The following DSCAML1 variants were observed in gnomAD, a reference collection of about 807,000 sequenced individuals.
DSCAML1 encodes DS cell adhesion molecule like 1, also known as cell adhesion molecule DSCAML1.
In DSCAML1, 38 loss-of-function variants were observed where a neutral mutation model predicts 200.5. The observed-to-expected ratio is 0.19, with a 90% CI of 0.15 to 0.25. The LOEUF (loss-of-function observed/expected upper bound fraction) is 0.25. Among genes scored for constraint, DSCAML1 ranks in the 10% least tolerant of loss-of-function variants. The pLI is 1.00. For synonymous variants in DSCAML1, 1,215 were observed against 1,165.0 expected (o/e 1.04, Z -0.87); for missense variants, 2,223 against 2,858.8 (o/e 0.78, Z 5.07).
chr11:117,520,659 G>A (rs11216436), intron 6 of DSCAML1, among the ~76,000 whole-genome samples: 24,968 of 151,426 alleles, frequency 0.16, 2,292 homozygotes, highest in South Asian at 0.32. Flanking sequence ...CAGCCCAGGC[G>A]GGAGGATCGC....
chr11:117,512,245 G>A (rs2049636665), intron 8 of DSCAML1, among the ~76,000 whole-genome samples: 1 of 152,210 alleles, frequency 6.6e-6, no homozygotes, highest in Non-Finnish European at 1.5e-5. Flanking sequence ...TAGTCGGGCA[G>A]CAGCAGTGGG....
intron 15 of DSCAML1, among the ~76,000 whole-genome samples, chr11:117,470,243 GT>G (rs1352578482): frequency 3.9e-5 from 6 of 152,210 alleles, no homozygotes; most frequent in African/African-American, 1.4e-4. Flanking sequence ...GATGGCAAAA[GT>G]TTTTAAAAGT....
intron 3 of DSCAML1, among the ~76,000 whole-genome samples, chr11:117,603,950 G>T (rs944903124): frequency 6.6e-6 from 1 of 152,218 alleles, no homozygotes; most frequent in East Asian, 1.9e-4. Flanking sequence ...CCTCAAGGAA[G>T]GCATTATTGG....
At chr11:117,667,256 A>G (rs2052998310) in intron 3 of DSCAML1, among the ~76,000 whole-genome samples, 1 of 152,174 alleles carries the variant, frequency 6.6e-6, no homozygotes, top group African/African-American at 2.4e-5. Context: ...TACTAAAAAT[A>G]CAAAAATCAG....
At position 117,737,365 on chromosome 11, in the gene DSCAML1, T is replaced by A. The variant is rs117373077; in HGVS notation, c.511+39426A>T. On this transcript the variant is annotated intron_variant, in intron 3 of 32. Transcript: ENST00000651296. ...GGTCCATCTGATGTTCCCAGTGGACTTCAGGCAGGCAGTCGCTAGATCAGC... is the reference window on the plus strand; with the variant it reads ...GGTCCATCTGATGTTCCCAGTGGACATCAGGCAGGCAGTCGCTAGATCAGC... Among the ~76,000 whole-genome samples, 16 of 152,340 alleles carry A rather than the reference T, an allele frequency of 1.1e-4. No homozygotes were observed. In the East Asian group the frequency reaches 3.1e-3, roughly 29 times the overall value.
Position 117,480,624 on chromosome 11 carries a change from G to T in DSCAML1, c.2657-53C>A. 2 of 1,545,098 alleles carry T rather than the reference G, an allele frequency of 1.3e-6. No individual in the cohort carries two copies. The highest frequency in any genetic ancestry group is 1.7e-6 in the Non-Finnish European group (2 of 1,144,184). ...AGTGAGGAGGGCAGCAGGGAGCTTG[G>T]CCTCCTGCTTGGCCCTGAGGATTGG... On this transcript the variant is annotated intron_variant, in intron 13 of 32. Transcript: ENST00000651296. The surrounding 1 kb of genome is among the most constrained non-coding windows in gnomAD (Gnocchi z 4.1).
chr11:117,551,485 C>T (rs1370527882), intron 3 of DSCAML1, among the ~76,000 whole-genome samples: 1 of 152,192 alleles, frequency 6.6e-6, no homozygotes, highest in Non-Finnish European at 1.5e-5. Context: ...CCCTCTCCCC[C>T]ACCGTGCCTG....
At chr11:117,782,025 G>A (rs555855624) in intron 1 of DSCAML1, among the ~76,000 whole-genome samples, 4 of 152,186 alleles carry the variant, frequency 2.6e-5, no homozygotes, top group South Asian at 2.1e-4. Flanking sequence ...AGGAAGAGAC[G>A]GCAGGGTCCC....
chr11:117,586,582 G>T (rs755746075), intron 3 of DSCAML1, among the ~76,000 whole-genome samples: 5 of 152,272 alleles, frequency 3.3e-5, no homozygotes, highest in Non-Finnish European at 7.4e-5. Context: ...GTTCGACTCG[G>T]CTGGCAGGAT....
At chr11:117,456,676 T>TTC (rs2048376185) in intron 19 of DSCAML1, among the ~76,000 whole-genome samples, 1 of 150,036 alleles carries the variant, frequency 6.7e-6, no homozygotes, top group Non-Finnish European at 1.5e-5. Context: ...CATTTCTTTT[T>TTC]TTTTTTTTTT....
At chr11:117,753,356 C>A (rs181922479) in intron 3 of DSCAML1, among the ~76,000 whole-genome samples, 1 of 152,312 alleles carries the variant, frequency 6.6e-6, no homozygotes, top group East Asian at 1.9e-4. Context: ...CTTCTCCTCC[C>A]TTTGCCCTTT....
chr11:117,671,894 C>A (rs1840536206), intron 3 of DSCAML1, among the ~76,000 whole-genome samples: 1 of 151,736 alleles, frequency 6.6e-6, no homozygotes, highest in Non-Finnish European at 1.5e-5. Context: ...GGCGGATTAC[C>A]TGAGGTCAGG....
chr11:117,753,970 G>C (rs2054643654), intron 3 of DSCAML1, among the ~76,000 whole-genome samples: 1 of 152,184 alleles, frequency 6.6e-6, no homozygotes, highest in African/African-American at 2.4e-5. Context: ...GCAAAGGAGA[G>C]TCTTGGGCCT....
chr11:117,466,684 G>T (rs2048587304), intron 16 of DSCAML1, among the ~76,000 whole-genome samples: 1 of 152,092 alleles, frequency 6.6e-6, no homozygotes, highest in Admixed American at 6.6e-5. Context: ...CTCAACAAAA[G>T]GAGGGTGGAA....
At chr11:117,684,496 G>A (rs566351500) in intron 3 of DSCAML1, among the ~76,000 whole-genome samples, 1 of 148,064 alleles carries the variant, frequency 6.8e-6, no homozygotes, top group Non-Finnish European at 1.5e-5. Flanking sequence ...GGGTGAAGAC[G>A]CTAGGATATC....
At chr11:117,549,905 T>G (rs2050439658) in intron 3 of DSCAML1, among the ~76,000 whole-genome samples, 1 of 152,186 alleles carries the variant, frequency 6.6e-6, no homozygotes, top group African/African-American at 2.4e-5. Flanking sequence ...GTAGAAATGT[T>G]CCAAGTCCCA....
intron 1 of DSCAML1, among the ~76,000 whole-genome samples, chr11:117,790,893 A>G (rs1275119321): frequency 6.6e-6 from 1 of 152,246 alleles, no homozygotes; most frequent in Non-Finnish European, 1.5e-5. Flanking sequence ...ACGTGCAAAC[A>G]CACATGCATC....
At chr11:117,648,929 C>G (rs1276512107) in intron 3 of DSCAML1, among the ~76,000 whole-genome samples, 10 of 152,094 alleles carry the variant, frequency 6.6e-5, no homozygotes, top group Admixed American at 4.6e-4. Context: ...CAGCTCAGGC[C>G]TAATGTAGAA....
Position 117,518,347 on chromosome 11 carries a change from T to G in DSCAML1, c.1510+119A>C, listed in dbSNP as rs1224248094. 5 of 1,386,050 alleles carry G rather than the reference T, an allele frequency of 3.6e-6. No individual in the cohort carries two copies. The highest frequency in any genetic ancestry group is 2.3e-5 in the East Asian group (1 of 43,852). The allele number at this position is 1,386,050 out of a possible 1,614,324, so 85.9% of individuals were successfully genotyped here. A position where few individuals can be genotyped will look rare whatever the true frequency, so the allele number is the denominator to read the frequency against. Reference sequence around the variant, plus strand: ...GGGGACGAGAGAGGGGAGAGAGACCTCTACTAAAATCAAAATGACGATTAA... The same window carrying G: ...GGGGACGAGAGAGGGGAGAGAGACCGCTACTAAAATCAAAATGACGATTAA... On this transcript the variant is annotated intron_variant, in intron 7 of 32. Transcript: ENST00000651296. The surrounding 1 kb of genome is among the most constrained non-coding windows in gnomAD (Gnocchi z 6.3).
Sources: gnomAD v4.1 joint callset for allele counts (sites outside exome capture counted in the v4.1 genomes callset) on GRCh38, gnomAD v4.1.1 for gene constraint, Gnocchi (gnomAD v3.1) non-coding constraint, MANE v1.5 for transcripts, NCBI Gene and HGNC (gene_info 2026-07-23, HGNC 2026-07-21) for gene names.